PHLDB2: variants seen among roughly 807,000 people sequenced by gnomAD.
PHLDB2 encodes pleckstrin homology-like domain family B member 2.
A neutral mutation model predicts 123.6 loss-of-function variants in PHLDB2; 71 were observed. That is an observed-to-expected ratio of 0.57 (90% CI 0.47 to 0.70). The LOEUF is 0.70. Among genes scored for constraint, PHLDB2 ranks in the 30% least tolerant of loss-of-function variants. The pLI is 0.00. For missense variants in PHLDB2, 1,446 were observed against 1,519.5 expected (o/e 0.95, Z 0.80); for synonymous variants, 547 against 541.6 (o/e 1.01, Z -0.14).
At chr3:111,915,061 A>G (rs2068094136) in intron 3 of PHLDB2, 1 of 152,168 alleles carries the variant, frequency 6.6e-6, no homozygotes, top group Non-Finnish European at 1.5e-5. Context: ...AGTAAATAGG[A>G]GGAAAAAGCA....
At chr3:111,920,550 G>C in intron 5 of PHLDB2, 131 bp downstream of exon 5, 3 of 1,148,956 alleles carry the variant, frequency 2.6e-6, no homozygotes, top group Non-Finnish European at 3.6e-6. Context: ...AGTGGCACTA[G>C]AGAAAAATCC....
chr3:111,778,801 C>A (rs2060314071), intron 1 of PHLDB2, among the ~76,000 whole-genome samples: 1 of 152,016 alleles, frequency 6.6e-6, no homozygotes, highest in South Asian at 2.1e-4. Flanking sequence ...AAAAACATGG[C>A]AAGTGTTGTG....
chr3:111,882,522 A>T (rs887053969), intron 1 of PHLDB2, among the ~76,000 whole-genome samples: 2 of 152,220 alleles, frequency 1.3e-5, no homozygotes, highest in African/African-American at 2.4e-5. Flanking sequence ...GCAGGACTAG[A>T]TCCCAGCTGG....
chr3:111,966,347 T>G (rs540390150), intron 13 of PHLDB2, among the ~76,000 whole-genome samples: 1 of 152,344 alleles, frequency 6.6e-6, no homozygotes, highest in South Asian at 2.1e-4. Flanking sequence ...AGCATTATTT[T>G]GCTTGCCTAT....
chr3:111,948,852 A>T, intron 9 of PHLDB2, 80 bp from the exon 10 acceptor site: 1 of 1,402,574 alleles, frequency 7.1e-7, no homozygotes, highest in Admixed American at 1.7e-5. Context: ...AGCTAACTTC[A>T]TTGTACTGGG....
At chr3:111,949,837 C>T in intron 10 of PHLDB2, 1 of 985,954 alleles carries the variant, frequency 1.0e-6, no homozygotes, top group Non-Finnish European at 1.2e-6. Flanking sequence ...TGACACACCT[C>T]CTCCTTTACC....
At chr3:111,955,798 A>C (rs983872000) in intron 12 of PHLDB2, among the ~76,000 whole-genome samples, 2 of 152,206 alleles carry the variant, frequency 1.3e-5, no homozygotes, top group African/African-American at 4.8e-5. Flanking sequence ...TAGATTGGCC[A>C]CAACACCAAC....
chr3:111,946,558 G>A (rs188957197), intron 9 of PHLDB2, among the ~76,000 whole-genome samples: 37 of 152,304 alleles, frequency 2.4e-4, no homozygotes, highest in African/African-American at 8.7e-4. Context: ...AGCTTTATTA[G>A]ATCATTCAGT....
intron 6 of PHLDB2, among the ~76,000 whole-genome samples, chr3:111,937,935 G>A (rs2069604207): frequency 6.6e-6 from 1 of 152,158 alleles, no homozygotes; most frequent in South Asian, 2.1e-4. Flanking sequence ...CTGCATGAAT[G>A]CAGATGCATA....
At chr3:111,808,980 A>G (rs981977617) in intron 1 of PHLDB2, among the ~76,000 whole-genome samples, 12 of 152,234 alleles carry the variant, frequency 7.9e-5, no homozygotes, top group Non-Finnish European at 1.2e-4. Flanking sequence ...CATAAATAAT[A>G]TCTTGGTCTT....
chr3:111,756,019 G>A (rs2059881720), intron 1 of PHLDB2, among the ~76,000 whole-genome samples: 1 of 152,038 alleles, frequency 6.6e-6, no homozygotes, highest in Non-Finnish European at 1.5e-5. Context: ...CTGAGAGACA[G>A]TTTGTTATAA....
chr3:111,932,943 G>T (rs1168271763), intron 6 of PHLDB2, among the ~76,000 whole-genome samples: 1 of 152,190 alleles, frequency 6.6e-6, no homozygotes, highest in African/African-American at 2.4e-5. Flanking sequence ...CATTACAAAT[G>T]CCCTCAACAT....
intron 1 of PHLDB2, among the ~76,000 whole-genome samples, chr3:111,788,255 T>C (rs2060774041): frequency 6.6e-6 from 1 of 152,234 alleles, no homozygotes; most frequent in Non-Finnish European, 1.5e-5. Flanking sequence ...TTTGGATAGA[T>C]GTCATGTTGT....
chr3:111,866,561 C>T (rs116129382), intron 1 of PHLDB2, among the ~76,000 whole-genome samples: 14 of 152,164 alleles, frequency 9.2e-5, no homozygotes, highest in African/African-American at 3.1e-4. Context: ...GGCAGGATGG[C>T]GGCAAGATCG....
chr3:111,752,983 A>AT (rs1052309606), intron 1 of PHLDB2, among the ~76,000 whole-genome samples: 31 of 151,896 alleles, frequency 2.0e-4, no homozygotes, highest in Non-Finnish European at 4.0e-4. Flanking sequence ...TGAACTCATC[A>AT]TTTTTTTTGG....
At position 111,974,714 on chromosome 3, in the gene PHLDB2, T is replaced by TA; in HGVS notation, c.*157dup. On this transcript the variant is annotated 3_prime_UTR_variant, in exon 18 of 18. Transcript: ENST00000431670. ...CTTTCATATCAAGACAAGTTATTTG[T>TA]AAAAAATAAAGAAGGGGTTTTAATA... 1.4e-6 allele frequency: 1 copy of TA among 734,510 alleles called. No homozygotes were observed. The highest frequency in any genetic ancestry group is 1.9e-6 in the Non-Finnish European group (1 of 513,298). 45.5% of individuals were successfully genotyped at this position (734,510 alleles called of 1,614,324 possible).
At chr3:111,937,993 C>T (rs976535690) in intron 6 of PHLDB2, among the ~76,000 whole-genome samples, 2 of 152,052 alleles carry the variant, frequency 1.3e-5, no homozygotes, top group African/African-American at 4.8e-5. Context: ...AATGCTTTTT[C>T]TAGACCATCT....
chr3:111,732,715 C>T, intron 1 of PHLDB2: 2 of 1,529,250 alleles, frequency 1.3e-6, no homozygotes, highest in South Asian at 1.2e-5. Flanking sequence ...TAGGTGATCT[C>T]TCTGGTCACT....
At chr3:111,778,547 A>C (rs1269786996) in intron 1 of PHLDB2, 2 of 144,110 alleles carry the variant, frequency 1.4e-5, no homozygotes, top group Non-Finnish European at 3.0e-5. Context: ...TAAGGATTGC[A>C]AAAATATGTA....
Sources: gnomAD v4.1 joint callset for allele counts (sites outside exome capture counted in the v4.1 genomes callset) on GRCh38, gnomAD v4.1.1 for gene constraint, MANE v1.5 for transcripts, NCBI Gene and HGNC (gene_info 2026-07-23, HGNC 2026-07-21) for gene names.